The following MIPOL1 variants were observed in gnomAD, a reference collection of about 807,000 sequenced individuals.
MIPOL1 encodes mirror-image polydactyly gene 1 protein.
MIPOL1 carries 57 observed loss-of-function variants against 60.9 expected under a neutral mutation model. The ratio of observed to expected loss-of-function variants is 0.94; its 90% CI spans 0.76 to 1.17. The LOEUF (loss-of-function observed/expected upper bound fraction) is 1.17. Among genes scored for constraint, MIPOL1 ranks in the 50% most tolerant of loss-of-function variants. The pLI, the probability that MIPOL1 is intolerant of heterozygous loss-of-function variation, is 0.00. For synonymous variants in MIPOL1, 179 were observed against 168.8 expected, an observed-to-expected ratio of 1.06 and a Z score of -0.47; for missense variants, 551 against 511.6, an observed-to-expected ratio of 1.08 and a Z score of -0.74.
intron 7 of MIPOL1, among the ~76,000 whole-genome samples, chr14:37,294,521 G>A (rs2085430865): frequency 1.3e-5 from 2 of 152,012 alleles, no homozygotes; most frequent in East Asian, 1.9e-4. Context: ...AGCTAAAGGA[G>A]GAAGTTTGAA....
chr14:37,232,241 A>G (rs372374320), intron 1 of MIPOL1, among the ~76,000 whole-genome samples: 3 of 152,214 alleles, frequency 2.0e-5, no homozygotes, highest in South Asian at 4.1e-4. Context: ...TAGAAGTTAT[A>G]AAAGAAGTTA....
intron 9 of MIPOL1, among the ~76,000 whole-genome samples, chr14:37,357,566 T>C (rs8014311): frequency 0.97 from 147,495 of 152,250 alleles, 71,523 homozygotes; most frequent in East Asian, 1. Flanking sequence ...TTTTGAGAAA[T>C]GTCTATTCAA....
At chr14:37,531,658 A>G (rs1286102288) in intron 12 of MIPOL1, among the ~76,000 whole-genome samples, 1 of 152,228 alleles carries the variant, frequency 6.6e-6, no homozygotes, top group Non-Finnish European at 1.5e-5. Flanking sequence ...CTAAGGAAAA[A>G]TAACAAATTA....
intron 9 of MIPOL1, among the ~76,000 whole-genome samples, chr14:37,337,712 A>G (rs2090276304): frequency 6.6e-6 from 1 of 151,884 alleles, no homozygotes; most frequent in Non-Finnish European, 1.5e-5. Flanking sequence ...TTCTTTCCTC[A>G]TTTTAAAATT....
intron 12 of MIPOL1, among the ~76,000 whole-genome samples, chr14:37,523,053 AACTCT>A (rs1034988771): frequency 3.4e-4 from 51 of 152,232 alleles, no homozygotes; most frequent in African/African-American, 9.6e-4. Context: ...AAACACAATA[AACTCT>A]ACTCTAAGTA....
At chr14:37,511,384 T>A (rs1016470231) in intron 12 of MIPOL1, among the ~76,000 whole-genome samples, 9 of 152,176 alleles carry the variant, frequency 5.9e-5, no homozygotes, top group Non-Finnish European at 1.3e-4. Context: ...TGGTACTGAA[T>A]GTGCTTGGTT....
At chr14:37,442,209 G>A (rs2094259940) in intron 11 of MIPOL1, among the ~76,000 whole-genome samples, 1 of 151,566 alleles carries the variant, frequency 6.6e-6, no homozygotes, top group South Asian at 2.1e-4. Flanking sequence ...ACTGATTGTT[G>A]TATATTGATT....
At chr14:37,263,769 T>C (rs2082674553) in intron 3 of MIPOL1, among the ~76,000 whole-genome samples, 1 of 152,194 alleles carries the variant, frequency 6.6e-6, no homozygotes. Flanking sequence ...ACAATGACAC[T>C]GATTAAACAC....
intron 10 of MIPOL1, among the ~76,000 whole-genome samples, chr14:37,417,615 A>G (rs968306264): frequency 5.3e-5 from 8 of 152,162 alleles, no homozygotes; most frequent in African/African-American, 1.7e-4. Context: ...TCTTTTTACT[A>G]GGTTCTTAAC....
intron 9 of MIPOL1, among the ~76,000 whole-genome samples, chr14:37,334,656 C>T (rs569811225): frequency 1.6e-4 from 24 of 151,940 alleles, no homozygotes; most frequent in Non-Finnish European, 3.2e-4. Flanking sequence ...AATAGACACT[C>T]TCCATTTATT....
At chr14:37,207,241 C>T (rs1566986063) in intron 1 of MIPOL1, among the ~76,000 whole-genome samples, 1 of 152,122 alleles carries the variant, frequency 6.6e-6, no homozygotes, top group Non-Finnish European at 1.5e-5. Context: ...GTGAATAAGT[C>T]CAGGTGAGTT....
At chr14:37,495,296 A>C (rs2095107551) in intron 11 of MIPOL1, among the ~76,000 whole-genome samples, 1 of 88,444 alleles carries the variant, frequency 1.1e-5, no homozygotes, top group Admixed American at 1.6e-4. Flanking sequence ...CCACCCCACC[A>C]CAGTCCCCAG....
chr14:37,320,329 T>C (rs1424103724), intron 9 of MIPOL1, among the ~76,000 whole-genome samples: 2 of 152,124 alleles, frequency 1.3e-5, no homozygotes, highest in African/African-American at 4.8e-5. Flanking sequence ...CTGATTTTAA[T>C]ATCAATCATT....
chr14:37,359,464 T>C lies in MIPOL1; in HGVS notation c.829-10053T>C, dbSNP rs978137733. ...TCATGATATTGATTCTTTCTATCCA[T>C]GAGCATAGAATGTTCTTCCATTTGT... On this transcript the variant is annotated intron_variant, in intron 9 of 12. Transcript: ENST00000684589. Among the ~76,000 whole-genome samples the C allele has an allele frequency of 5.3e-5, 8 of 152,358 alleles. No individual in the cohort carries two copies. The East Asian group carries it at 7.7e-4, about 15-fold the overall frequency.
intron 6 of MIPOL1, among the ~76,000 whole-genome samples, chr14:37,282,663 C>A (rs6571800): frequency 4.6e-5 from 7 of 150,828 alleles, no homozygotes; most frequent in African/African-American, 7.3e-5. Context: ...GGTGAAACCC[C>A]GCTGGAGCCT....
chr14:37,383,238 A>G (rs936815054), intron 10 of MIPOL1, among the ~76,000 whole-genome samples: 1 of 151,816 alleles, frequency 6.6e-6, no homozygotes, highest in African/African-American at 2.4e-5. Context: ...TGTTTCAGGT[A>G]TTGTTTGTGA....
At chr14:37,256,213 G>C (rs924725478) in intron 3 of MIPOL1, among the ~76,000 whole-genome samples, 6 of 151,706 alleles carry the variant, frequency 4.0e-5, no homozygotes, top group African/African-American at 1.4e-4. Flanking sequence ...AAAATTTTCA[G>C]ATTAATATTA....
intron 10 of MIPOL1, among the ~76,000 whole-genome samples, chr14:37,407,443 A>G (rs1050769512): frequency 3.3e-5 from 5 of 152,106 alleles, no homozygotes; most frequent in East Asian, 1.9e-4. Context: ...TTCAATTTCT[A>G]TTTTTGAACA....
intron 7 of MIPOL1, among the ~76,000 whole-genome samples, chr14:37,302,633 C>CT (rs59760327): frequency 0.057 from 7,143 of 125,046 alleles, 607 homozygotes; most frequent in African/African-American, 0.19. Flanking sequence ...ATTAAAAAAT[C>CT]TTTTTTTTTT....
Sources: allele counts gnomAD v4.1 joint callset (sites outside exome capture counted in the v4.1 genomes callset), GRCh38; gene constraint gnomAD v4.1.1; transcripts MANE v1.5; gene names NCBI Gene and HGNC (gene_info 2026-07-23, HGNC 2026-07-21).